Variants in NOS2 observed in about 807,000 individuals in gnomAD.
NOS2 encodes the protein nitric oxide synthase, inducible.
Under a neutral mutation model 136.0 loss-of-function variants are expected in NOS2, and 96 were observed. The observed-to-expected ratio is 0.71, with a 90% CI of 0.60 to 0.84. The LOEUF (loss-of-function observed/expected upper bound fraction) is 0.84. Ranked by LOEUF, NOS2 falls within the 40% of genes least tolerant of loss-of-function variation. The pLI, the probability that NOS2 is intolerant of heterozygous loss-of-function variation, is 0.00. For synonymous variants in NOS2, 539 were observed against 587.5 expected (o/e 0.92, Z 1.20); for missense variants, 1,237 against 1,496.9 (o/e 0.83, Z 2.87).
intron 2 of NOS2, among the ~76,000 whole-genome samples, chr17:27,794,748 C>A (rs1909302201): frequency 7.3e-6 from 1 of 137,248 alleles, no homozygotes; most frequent in Non-Finnish European, 1.5e-5. Context: ...ACACACACAC[C>A]ATGCTCATTT....
Position 27,793,977 on chromosome 17 carries a change from G to A in NOS2, c.111-4289C>T, listed in dbSNP as rs75792188. On this transcript the variant is annotated intron_variant, in intron 2 of 26. Coordinates refer to ENST00000313735, the MANE Select transcript of NOS2 (RefSeq NM_000625.4). ...AGATGCCCGGGTCGTGTTGGGCCTC[G>A]TGTTTGTTTATTCCCCATAAAATCG... 3.4e-3 allele frequency among the ~76,000 whole-genome samples: 514 copies of A among 152,332 alleles called. 6 individuals carry two copies. Among genetic ancestry groups the A allele is most frequent in the African/African-American group, 0.012 (482 of 41,576 alleles).
Position 27,798,679 on chromosome 17 carries a change from G to T in NOS2, c.110+21C>A, listed in dbSNP as rs577010644. ...GGGTGCCCAAGGAGACAAGCAGGAG[G>T]TTCCCCCAGGGAAAACTCACCTGGA... On this transcript the variant is annotated intron_variant, in intron 2 of 26. Coordinates refer to ENST00000313735, the MANE Select transcript of NOS2 (RefSeq NM_000625.4). 5.4e-6 allele frequency: 8 copies of T among 1,491,182 alleles called. No individual in the cohort carries two copies. The African/African-American group carries it at 5.5e-5, about 10-fold the overall frequency. The allele number at this position is 1,491,182 out of a possible 1,614,324, so 92.4% of individuals were successfully genotyped here.
intron 9 of NOS2, among the ~76,000 whole-genome samples, chr17:27,779,722 C>T (rs1252996354): frequency 1.2e-5 from 1 of 83,950 alleles, no homozygotes; most frequent in Non-Finnish European, 2.3e-5. Context: ...TTAAGGACTC[C>T]AGTGTCAGAA....
intron 14 of NOS2, among the ~76,000 whole-genome samples, 171 bp downstream of exon 14, chr17:27,772,137 G>T (rs1452565989): frequency 6.6e-6 from 1 of 152,326 alleles, no homozygotes; most frequent in East Asian, 1.9e-4. Flanking sequence ...CATCTACTGT[G>T]TAAGTTTTGG....
At position 27,762,943 on chromosome 17, in the gene NOS2, C is replaced by T. The variant is rs544849495; in HGVS notation, c.2655G>A (p.Glu885=). 3.7e-6 allele frequency: 6 copies of T among 1,606,034 alleles called. No homozygotes were observed. The African/African-American group carries it at 6.7e-5, about 18-fold the overall frequency. The change falls in exon 22 of 27, where the codon GAG becomes GAA. Residue 885 remains glutamate (E), a synonymous_variant. Coordinates refer to ENST00000313735, the MANE Select transcript of NOS2 (RefSeq NM_000625.4). ...CAGCAGACACCCGCAGGGACGGGAA[C>T]TCCTCTAGCACCTCCAGGAATGTGG... ...NSPTFLEVLE[E]FPSLRVSAGF...
At position 27,798,710 on chromosome 17, in the gene NOS2, C is replaced by A; in HGVS notation, c.100G>T (p.Ala34Ser). The A allele has an allele frequency of 6.2e-7, 1 of 1,611,058 alleles. No individual in the cohort carries two copies. Among genetic ancestry groups the A allele is most frequent in the Non-Finnish European group, 8.5e-7 (1 of 1,177,168 alleles). The change falls in exon 2 of 27, where the codon GCC (alanine) becomes TCC (serine). Residue 34 changes from alanine to serine, a missense_variant. Physicochemically the swap from Ala to Ser is moderately conservative, Grantham distance 99. This residue lies in a region of NOS2 where 440 missense variants were observed against 545.4 expected (regional missense o/e 0.81). Coordinates refer to ENST00000313735, the MANE Select transcript of NOS2 (RefSeq NM_000625.4). ...INNNVEKAPC[A>S]TSSPVTQDDL... The stretch of plus-strand genomic sequence containing the variant: ...CCAGGGAAAACTCACCTGGAGGTGG[C>A]ACAGGGGGCTTTCTCCACATTGTTG...
At position 27,760,665 on chromosome 17, in the gene NOS2, G is replaced by A. The variant is rs1376354041; in HGVS notation, c.2968C>T (p.Arg990Cys). 5.8e-6 allele frequency: 9 copies of A among 1,552,828 alleles called. No homozygotes were observed. Among genetic ancestry groups the A allele is most frequent in the African/African-American group, 1.4e-5 (1 of 73,186 alleles). ...TGGAGCCGTTGCTGCCAGAAACTGCGGAAGGGCGCGATGCCTGTGCCAGGC... is the reference window on the plus strand; with the variant it reads ...TGGAGCCGTTGCTGCCAGAAACTGCAGAAGGGCGCGATGCCTGTGCCAGGC... The part of the protein sequence containing the change: ...IGPGTGIAPF[R>C]SFWQQRLHDS... Residue 990 changes from arginine to cysteine, a missense_variant, in exon 24 of 27, where the codon CGC (arginine) becomes TGC (cysteine). Arg to Cys is a radical substitution (Grantham distance 180, BLOSUM62 -3). Coordinates refer to ENST00000313735, the MANE Select transcript of NOS2 (RefSeq NM_000625.4).
chr17:27,757,231 C>T lies in NOS2; in HGVS notation c.*15G>A. On this transcript the variant is annotated 3_prime_UTR_variant, in exon 27 of 27. Transcript: ENST00000313735. ...TAAGTTCTGTGCCGGCAGCTTTAAC[C>T]CCTCCTGTAGGCCCTCAGAGCGCTG... 1.9e-6 allele frequency: 3 copies of T among 1,609,224 alleles called. No homozygotes were observed. Among genetic ancestry groups the T allele is most frequent in the Non-Finnish European group, 2.6e-6 (3 of 1,176,364 alleles).
Position 27,789,012 on chromosome 17 carries a change from C to A in NOS2, c.196-81G>T, listed in dbSNP as rs1909109235. 3 of 1,532,380 alleles carry A rather than the reference C, an allele frequency of 2.0e-6. No homozygotes were observed. In the East Asian group the frequency reaches 6.9e-5, roughly 35 times the overall value. 94.9% of individuals were successfully genotyped at this position (1,532,380 alleles called of 1,614,324 possible). A position where few individuals can be genotyped will look rare whatever the true frequency, so the allele number is the denominator to read the frequency against. ...GCCTTGTCTTAGAGTGGGGAAGGAT[C>A]TATGGGTGGCCACACAGGGCAGGGT... On this transcript the variant is annotated intron_variant, in intron 3 of 26. Coordinates refer to ENST00000313735, the MANE Select transcript of NOS2 (RefSeq NM_000625.4).
chr17:27,787,317 C>G (rs1909049456), intron 5 of NOS2, among the ~76,000 whole-genome samples: 1 of 152,208 alleles, frequency 6.6e-6, no homozygotes, highest in Admixed American at 6.5e-5. Flanking sequence ...TGAATCCTCA[C>G]AAAAATCTCA....
At position 27,780,989 on chromosome 17, in the gene NOS2, C is replaced by T. The variant is rs28999372; in HGVS notation, c.864+47G>A. 3,168 of 1,603,164 alleles carry T rather than the reference C, an allele frequency of 2.0e-3. 5 individuals are homozygous for T. Among genetic ancestry groups the T allele is most frequent in the Middle Eastern group, 3.2e-3 (19 of 6,016 alleles). On this transcript the variant is annotated intron_variant, in intron 8 of 26. Coordinates refer to ENST00000313735, the MANE Select transcript of NOS2 (RefSeq NM_000625.4). ...GCTCCACTCTGTCACTCGCTCACCA[C>T]GGGGCTCCCCGCCCCAATGGCCGGT...
Position 27,770,838 on chromosome 17 carries a change from G to A in NOS2, c.1809+75C>T, listed in dbSNP as rs28999413. 63 of 1,075,318 alleles carry A rather than the reference G, an allele frequency of 5.9e-5. No individual in the cohort carries two copies. In the East Asian group the frequency reaches 8.3e-4, roughly 14 times the overall value. The allele number at this position is 1,075,318 out of a possible 1,614,324, so 66.6% of individuals were successfully genotyped here. A position where few individuals can be genotyped will look rare whatever the true frequency, so the allele number is the denominator to read the frequency against. ...CCAAATGTCCTCCGTAGGACCTGCCGCATCCCCCAGACCCTTTCCTGGGTC... is the reference window on the plus strand; with the variant it reads ...CCAAATGTCCTCCGTAGGACCTGCCACATCCCCCAGACCCTTTCCTGGGTC... On this transcript the variant is annotated intron_variant, in intron 15 of 26. Transcript: ENST00000313735.
chr17:27,759,934 G>T, intron 25 of NOS2, 96 bp downstream of exon 25: 1 of 1,260,300 alleles, frequency 7.9e-7, no homozygotes, highest in Non-Finnish European at 1.1e-6. Flanking sequence ...GAGCTCAGGA[G>T]GTGAAGGCTC....
intron 1 of NOS2, among the ~76,000 whole-genome samples, chr17:27,799,249 A>G (rs897083365): frequency 1.3e-5 from 2 of 152,280 alleles, no homozygotes; most frequent in African/African-American, 4.8e-5. Flanking sequence ...TCGTTGAAAC[A>G]GGGGTGCCTT....
At chr17:27,792,406 TAC>T (rs1277903731) in intron 2 of NOS2, among the ~76,000 whole-genome samples, 1 of 152,234 alleles carries the variant, frequency 6.6e-6, no homozygotes, top group Admixed American at 6.5e-5. Context: ...TCCAACTTTT[TAC>T]AGTGACAATG....
At chr17:27,794,711 C>CGT (rs928596583) in intron 2 of NOS2, among the ~76,000 whole-genome samples, 1 of 135,540 alleles carries the variant, frequency 7.4e-6, no homozygotes, top group Non-Finnish European at 1.6e-5. Flanking sequence ...TACACACACA[C>CGT]GCGCACACAC....
Position 27,781,995 on chromosome 17 carries a change from C to A in NOS2, c.722+20G>T. On this transcript the variant is annotated intron_variant, in intron 7 of 26. Coordinates refer to ENST00000313735, the MANE Select transcript of NOS2 (RefSeq NM_000625.4). The stretch of plus-strand genomic sequence containing the variant: ...CAGGCAAGGCAAGCCCCTCTGCAGC[C>A]CTGGGAAATGTGCACCGACCTGATG... The A allele has an allele frequency of 6.2e-7, 1 of 1,610,478 alleles. No homozygotes were observed. The highest frequency in any genetic ancestry group is 8.5e-7 in the Non-Finnish European group (1 of 1,177,054).
At chr17:27,764,236 C>T in intron 20 of NOS2, 92 bp from the exon 21 acceptor site, 1 of 751,854 alleles carries the variant, frequency 1.3e-6, no homozygotes, top group East Asian at 3.4e-5. Flanking sequence ...ACCCTCTATT[C>T]TCCAGCTGCA....
intron 2 of NOS2, among the ~76,000 whole-genome samples, chr17:27,790,749 G>C (rs1476533796): frequency 6.6e-6 from 1 of 152,094 alleles, no homozygotes; most frequent in Non-Finnish European, 1.5e-5. Flanking sequence ...TTAAATTAAA[G>C]ATTACTTAAA....
Sources: gnomAD v4.1 joint callset for allele counts (sites outside exome capture counted in the v4.1 genomes callset) on GRCh38, gnomAD v4.1.1 for gene constraint, gnomAD v4.1.1 regional missense constraint, MANE v1.5 for transcripts, NCBI Gene and HGNC (gene_info 2026-07-23, HGNC 2026-07-21) for gene names.